The following ALG11 variants were observed in gnomAD, a reference collection of about 807,000 sequenced individuals.
ALG11 encodes GDP-Man:Man(3)GlcNAc(2)-PP-Dol alpha-1,2-mannosyltransferase.
A neutral mutation model predicts 38.8 loss-of-function variants in ALG11; 26 were observed. The observed-to-expected ratio is 0.67, with a 90% CI of 0.49 to 0.93. The LOEUF (loss-of-function observed/expected upper bound fraction) is 0.93. Ranked by LOEUF, ALG11 falls within the 40% of genes least tolerant of loss-of-function variation. The pLI, the probability that ALG11 is intolerant of heterozygous loss-of-function variation, is 0.00. For missense variants in ALG11, 535 were observed against 578.8 expected (o/e 0.92, Z 0.78); for synonymous variants, 199 against 211.6 (o/e 0.94, Z 0.52).
Position 52,024,277 on chromosome 13 carries a change from C to T in ALG11, c.547C>T (p.Pro183Ser). 1.2e-6 allele frequency: 2 copies of T among 1,614,064 alleles called. No homozygotes were observed. The highest frequency in any genetic ancestry group is 1.7e-6 in the Non-Finnish European group (2 of 1,180,016). Residue 183 changes from proline (P) to serine (S), a missense_variant, in exon 3 of 4, where the codon CCT becomes TCT. Physicochemically the swap from Pro to Ser is moderately conservative, Grantham distance 74. Transcript: ENST00000521508. ...TTCAATGGGATACGCTTTTACGCTT[C>T]CTCTGTTTAAGTATATAGGGGGTTG... Reference protein sequence around the residue: ...IDSMGYAFTLPLFKYIGGCQV... With the variant: ...IDSMGYAFTLSLFKYIGGCQV...
At chr13:52,023,714 C>T (rs111881531) in intron 2 of ALG11, 103 of 157,258 alleles carry the variant, frequency 6.5e-4, no homozygotes, top group South Asian at 6.3e-3. Flanking sequence ...TTTTTTGAGA[C>T]GGAGTTTCAC....
intron 1 of ALG11, among the ~76,000 whole-genome samples, chr13:52,015,139 A>G (rs1033895152): frequency 8.5e-5 from 13 of 152,248 alleles, no homozygotes; most frequent in Non-Finnish European, 1.9e-4. Flanking sequence ...GCAGCAGCTC[A>G]TGCCTGTAAT....
chr13:52,012,598 G>T, intron 1 of ALG11, 136 bp downstream of exon 1: 1 of 1,231,722 alleles, frequency 8.1e-7, no homozygotes, highest in Non-Finnish European at 1.2e-6. Flanking sequence ...CCAATGAGCA[G>T]TCTTTCTTTT....
At chr13:52,022,995 A>C (rs1326883385) in intron 2 of ALG11, 1 of 152,268 alleles carries the variant, frequency 6.6e-6, no homozygotes, top group Non-Finnish European at 1.5e-5. Context: ...GAATAATTAT[A>C]AACAGAGGGA....
Position 52,030,531 on chromosome 13 carries a change from C to T in ALG11, c.*1941C>T, listed in dbSNP as rs778217228. ...CCTTCCGTGAGGTCTTTGGCAGTTC[C>T]CACAATAATAGAGGAGCTGGAAGAT... is the stretch of plus-strand genomic sequence containing the variant. On this transcript the variant is annotated 3_prime_UTR_variant, in exon 4 of 4. Transcript: ENST00000521508. 1 of 1,614,096 alleles carries T rather than the reference C, an allele frequency of 6.2e-7. No homozygotes were observed. Among genetic ancestry groups the T allele is most frequent in the Admixed American group, 1.7e-5 (1 of 60,014 alleles).
intron 2 of ALG11, chr13:52,021,766 A>G: frequency 6.6e-6 from 1 of 152,524 alleles, no homozygotes; most frequent in East Asian, 1.9e-4. Flanking sequence ...GGGCTGGGAT[A>G]ACTGGACCTG....
Position 52,030,877 on chromosome 13 carries a change from T to C in ALG11, c.*2287T>C, listed in dbSNP as rs1954296775. On this transcript the variant is annotated 3_prime_UTR_variant, in exon 4 of 4. Coordinates refer to ENST00000521508, the MANE Select transcript of ALG11 (RefSeq NM_001004127.3). Reference sequence around the variant, plus strand: ...TGCTTCCATATCCATTTACCCACCATCGGCAATTTGAAAGGACCATCCAGA... The same window carrying C: ...TGCTTCCATATCCATTTACCCACCACCGGCAATTTGAAAGGACCATCCAGA... The C allele has an allele frequency of 3.1e-6, 5 of 1,614,104 alleles. No individual in the cohort carries two copies. The highest frequency in any genetic ancestry group is 4.2e-6 in the Non-Finnish European group (5 of 1,180,014).
At position 52,030,471 on chromosome 13, in the gene ALG11, T is replaced by C. The variant is rs1264978590; in HGVS notation, c.*1881T>C. 6.2e-7 allele frequency: 1 copy of C among 1,614,272 alleles called. No homozygotes were observed. Among genetic ancestry groups the C allele is most frequent in the South Asian group, 1.1e-5 (1 of 91,092 alleles). ...AAGGAGAAGAAAGAGAAGGAGCAAC[T>C]GATCAACCTACAGAACTTCCTGACC... On this transcript the variant is annotated 3_prime_UTR_variant, in exon 4 of 4. Coordinates refer to ENST00000521508, the MANE Select transcript of ALG11 (RefSeq NM_001004127.3).
Position 52,028,405 on chromosome 13 carries a change from G to T in ALG11, c.1294G>T (p.Gly432Ter). 1 of 1,614,156 alleles carries T rather than the reference G, an allele frequency of 6.2e-7. No individual in the cohort carries two copies. The highest frequency in any genetic ancestry group is 8.5e-7 in the Non-Finnish European group (1 of 1,180,028). The change falls in exon 4 of 4, where the codon GGA (glycine) becomes TGA (stop). Residue 432 changes from glycine (G) to a stop codon, truncating the protein, a stop_gained. Transcript: ENST00000521508. LOFTEE classifies it high-confidence loss of function. ...GCTTGACATTGTGGTTCCTCACGAA[G>T]GAGATATAACTGGCTTTCTGGCTGA... ...PKLDIVVPHE[G>*]DITGFLAESE... is the part of the protein sequence containing the mutation.
Position 52,030,702 on chromosome 13 carries a change from G to A in ALG11, c.*2112G>A. The A allele has an allele frequency of 6.2e-7, 1 of 1,614,194 alleles. No individual in the cohort carries two copies. The highest frequency in any genetic ancestry group is 8.5e-7 in the Non-Finnish European group (1 of 1,180,036). ...CTGACACTACCTGGCTGGGGCGAGT[G>A]GGGTGGTGTGGGCCTAAAGCCCAGT... On this transcript the variant is annotated 3_prime_UTR_variant, in exon 4 of 4. Transcript: ENST00000521508.
chr13:52,028,737 G>A lies in ALG11; in HGVS notation c.*147G>A. On this transcript the variant is annotated 3_prime_UTR_variant, in exon 4 of 4. Coordinates refer to ENST00000521508, the MANE Select transcript of ALG11 (RefSeq NM_001004127.3). ...TCCTTTTAGAATAAAAGGAAGTGTTGAAAAGAAAATGGATGACTAGCCTTC... is the reference window on the plus strand; with the variant it reads ...TCCTTTTAGAATAAAAGGAAGTGTTAAAAAGAAAATGGATGACTAGCCTTC... 1.2e-6 allele frequency: 2 copies of A among 1,608,888 alleles called. No individual in the cohort carries two copies. The highest frequency in any genetic ancestry group is 8.5e-7 in the Non-Finnish European group (1 of 1,176,370).
chr13:52,028,174 A>T, intron 3 of ALG11, 145 bp from the exon 4 acceptor site: 1 of 886,962 alleles, frequency 1.1e-6, no homozygotes, highest in Non-Finnish European at 1.7e-6. Context: ...TGTACTGTAG[A>T]AGTTGAATAA....
chr13:52,031,048 C>T lies in ALG11; in HGVS notation c.*2458C>T, dbSNP rs750382365. The T allele has an allele frequency of 4.3e-5, 69 of 1,614,018 alleles. No homozygotes were observed. The highest frequency in any genetic ancestry group is 5.7e-5 in the Non-Finnish European group (67 of 1,180,024). ...CTTCCTCAAGGTCAGACCTGCCTGT[C>T]ATACAGAGGAATCCAAAACGAATCA... On this transcript the variant is annotated 3_prime_UTR_variant, in exon 4 of 4. Coordinates refer to ENST00000521508, the MANE Select transcript of ALG11 (RefSeq NM_001004127.3).
Position 52,029,074 on chromosome 13 carries a change from T to G in ALG11, c.*484T>G, listed in dbSNP as rs2140848578. On this transcript the variant is annotated 3_prime_UTR_variant, in exon 4 of 4. Coordinates refer to ENST00000521508, the MANE Select transcript of ALG11 (RefSeq NM_001004127.3). Reference sequence around the variant, plus strand: ...AAAAGCTGGGCCTTGCAGATCTGCTTGAGCCCGTTAAAACTTCATCTTCTT... The same window carrying G: ...AAAAGCTGGGCCTTGCAGATCTGCTGGAGCCCGTTAAAACTTCATCTTCTT... 1 of 1,614,264 alleles carries G rather than the reference T, an allele frequency of 6.2e-7. No individual in the cohort carries two copies. The highest frequency in any genetic ancestry group is 2.2e-5 in the East Asian group (1 of 44,892).
At chr13:52,022,650 CCATA>C (rs1657282400) in intron 2 of ALG11, 1 of 152,008 alleles carries the variant, frequency 6.6e-6, no homozygotes, top group Non-Finnish European at 1.5e-5. Context: ...TCTCTCATCT[CCATA>C]CCCCCAAAAC....
rs1473200990 is a variant in ALG11, at chr13:52,024,895, A to G, written c.1165A>G (p.Thr389Ala). 3 of 1,612,794 alleles carry G rather than the reference A, an allele frequency of 1.9e-6. No individual in the cohort carries two copies. The African/African-American group carries it at 4.0e-5, about 22-fold the overall frequency. Residue 389 changes from threonine to alanine, a missense_variant, in exon 3 of 4, where the codon ACA becomes GCA. Physicochemically the swap from Thr to Ala is moderately conservative, Grantham distance 58. Transcript: ENST00000521508. ...ATTAAAGAATTATTTGTCTGAAGCA[A>G]CAATTGGTCTGCATACCATGTGGAA... ...DELKNYLSEATIGLHTMWNEH... is the reference protein window; with the variant it reads ...DELKNYLSEAAIGLHTMWNEH...
Position 52,024,921 on chromosome 13 carries a change from C to T in ALG11, c.1191C>T (p.Asn397=), listed in dbSNP as rs141089354. ...EATIGLHTMW[N]EHFGIGVVEC... ...CAATTGGTCTGCATACCATGTGGAA[C>T]GAGCATTTTGGGATTGGTGAGTTTG... Residue 397 remains asparagine, a synonymous_variant, in exon 3 of 4, where the codon AAC becomes AAT. Transcript: ENST00000521508. 40 of 1,610,152 alleles carry T rather than the reference C, an allele frequency of 2.5e-5. No homozygotes were observed. The highest frequency in any genetic ancestry group is 9.9e-5 in the South Asian group (9 of 91,078).
In ALG11 at chr13:52,023,864, G is replaced by A. The variant is rs553202580; in HGVS notation, c.276-142G>A. ...GGCTGGAGTTCGGTGGCATGATCAC[G>A]GCTCACTGCAACCTCCGCCTCCTGG... is the stretch of plus-strand genomic sequence containing the variant. On this transcript the variant is annotated intron_variant, in intron 2 of 3. Transcript: ENST00000521508. 5.4e-3 allele frequency: 3,015 copies of A among 557,072 alleles called. 16 individuals are homozygous for A. The highest frequency in any genetic ancestry group is 8.0e-3 in the Non-Finnish European group (2,508 of 314,630). The allele number at this position is 557,072 out of a possible 1,614,324, so 34.5% of individuals were successfully genotyped here. A position where few individuals can be genotyped will look rare whatever the true frequency, so the allele number is the denominator to read the frequency against.
chr13:52,027,889 T>A (rs1954257048), intron 3 of ALG11, among the ~76,000 whole-genome samples: 1 of 152,252 alleles, frequency 6.6e-6, no homozygotes, highest in Non-Finnish European at 1.5e-5. Context: ...CATTCTCTAG[T>A]CTTCTTTTTT....
Sources: gnomAD v4.1 joint callset for allele counts (sites outside exome capture counted in the v4.1 genomes callset) on GRCh38, gnomAD v4.1.1 for gene constraint, MANE v1.5 for transcripts, NCBI Gene and HGNC (gene_info 2026-07-23, HGNC 2026-07-21) for gene names.